AGXT: variants seen among roughly 807,000 people sequenced by gnomAD.
AGXT encodes L-alanine: glyoxylate aminotransferase 1.
Under a neutral mutation model 46.9 loss-of-function variants are expected in AGXT, and 41 were observed. The observed-to-expected ratio is 0.88, with a 90% CI of 0.68 to 1.14. The LOEUF (loss-of-function observed/expected upper bound fraction) is 1.14, where lower values mean the gene tolerates loss of function less well. AGXT is among the 50% of genes most tolerant of loss of function. The pLI, the probability that AGXT is intolerant of heterozygous loss-of-function variation, is 0.00. For synonymous variants in AGXT, 244 were observed against 227.9 expected, an observed-to-expected ratio of 1.07 and a Z score of -0.64; for missense variants, 525 against 522.7, an observed-to-expected ratio of 1.00 and a Z score of -0.04.
At chr2:240,875,049 C>T (rs1410223936) in intron 6 of AGXT, 60 bp from the exon 7 acceptor site, 5 of 1,439,976 alleles carry the variant, frequency 3.5e-6, no homozygotes, top group Non-Finnish European at 4.9e-6. Flanking sequence ...GCCAGCGAGA[C>T]TGCCCTGGCC....
intron 6 of AGXT, among the ~76,000 whole-genome samples, chr2:240,874,708 C>G (rs1217358180): frequency 2.6e-5 from 4 of 152,244 alleles, no homozygotes; most frequent in African/African-American, 9.6e-5. Flanking sequence ...GGGCTGGCCC[C>G]TCCATCTGGA....
At chr2:240,869,944 C>T (rs917529641) in intron 2 of AGXT, among the ~76,000 whole-genome samples, 14 of 152,248 alleles carry the variant, frequency 9.2e-5, no homozygotes, top group African/African-American at 1.7e-4. Context: ...CTGGTTAATA[C>T]GCGACCGCAA....
intron 6 of AGXT, among the ~76,000 whole-genome samples, chr2:240,874,758 A>T (rs2059014097): frequency 6.6e-6 from 1 of 152,224 alleles, no homozygotes; most frequent in African/African-American, 2.4e-5. Context: ...AAGCCTGGCC[A>T]GTGTCCCCTG....
chr2:240,873,619 T>C (rs1432622244), intron 5 of AGXT, among the ~76,000 whole-genome samples: 1 of 152,186 alleles, frequency 6.6e-6, no homozygotes, highest in Non-Finnish European at 1.5e-5. Flanking sequence ...GAGCCCCTCC[T>C]GATTTGGGAG....
At chr2:240,876,907 A>G in intron 8 of AGXT, 1 of 202,408 alleles carries the variant, frequency 4.9e-6, no homozygotes, top group East Asian at 1.4e-4. Flanking sequence ...GCAGAGGCAC[A>G]GGGACCTGGC....
chr2:240,870,764 G>T, intron 3 of AGXT, 56 bp downstream of exon 3: 3 of 1,510,948 alleles, frequency 2.0e-6, no homozygotes, highest in East Asian at 2.5e-5. Flanking sequence ...GGGCATGCTG[G>T]CTCAGGGGCT....
rs532886589 is a variant in AGXT at position 240,876,823 on chromosome 2, G to A, written c.847-714G>A. 6.5e-5 allele frequency: 11 copies of A among 167,980 alleles called. No homozygotes were observed. The South Asian group carries it at 1.4e-3, about 22-fold the overall frequency. 10.4% of individuals were successfully genotyped at this position (167,980 alleles called of 1,614,324 possible). A position where few individuals can be genotyped will look rare whatever the true frequency, so the allele number is the denominator to read the frequency against. On this transcript the variant is annotated intron_variant, in intron 8 of 10. Coordinates refer to ENST00000307503, the MANE Select transcript of AGXT (RefSeq NM_000030.3). The stretch of plus-strand genomic sequence containing the variant: ...TCACACAGGGAAAGGCTCTAGGGTC[G>A]TAAAGGTGGGTGGGGGGTGTGAGCT...
intron 2 of AGXT, 88 bp from the exon 3 acceptor site, chr2:240,870,556 G>C: frequency 4.8e-6 from 7 of 1,468,076 alleles, no homozygotes; most frequent in Non-Finnish European, 6.5e-6. Context: ...AGCCCTCACA[G>C]GGCCCTGCTC....
chr2:240,878,233 G>C, intron 10 of AGXT, 83 bp downstream of exon 10: 2 of 1,576,286 alleles, frequency 1.3e-6, no homozygotes, highest in East Asian at 4.5e-5. Flanking sequence ...CAGGTGCAGG[G>C]GAGGCCGGGG....
At position 240,869,323 on chromosome 2, in the gene AGXT, AT is replaced by A; in HGVS notation, c.322del (p.Trp108GlyfsTer12). 1 of 1,609,828 alleles carries A rather than the reference AT, an allele frequency of 6.2e-7. No individual in the cohort carries two copies. Among genetic ancestry groups the A allele is most frequent in the Non-Finnish European group, 8.5e-7 (1 of 1,177,230 alleles). On this transcript the variant is annotated frameshift_variant, in exon 2 of 11. Coordinates refer to ENST00000307503, the MANE Select transcript of AGXT (RefSeq NM_000030.3). LOFTEE classifies it high-confidence loss of function. ...GDSFLVGANGIWGQRAVDIGE... is the reference protein window; with the variant it reads ...GDSFLVGANGXWGQRAVDIGE... ...CTCCTTCCTGGTTGGGGCCAATGGC[AT>A]TTGGGGGCAGCGAGCCGTGGACATC... is the stretch of plus-strand genomic sequence containing the variant.
In AGXT at chr2:240,875,159, T is replaced by C. The variant is rs121908525; in HGVS notation, c.731T>C (p.Ile244Thr). Residue 244 changes from isoleucine to threonine, a missense_variant, in exon 7 of 11, where the codon ATC becomes ACC. By Grantham distance (89) the Ile-to-Thr change is moderately conservative (BLOSUM62 -1). Transcript: ENST00000307503. ...AAGCCCTTCTCCTTCTACCTGGACA[T>C]CAAGTGGCTGGCCAACTTCTGGGGC... Reference protein sequence around the residue: ...KTKPFSFYLDIKWLANFWGCD... With the variant: ...KTKPFSFYLDTKWLANFWGCD... The C allele has an allele frequency of 2.9e-5, 46 of 1,613,868 alleles. No individual in the cohort carries two copies. Among genetic ancestry groups the C allele is most frequent in the Admixed American group, 2.7e-4 (16 of 60,002 alleles).
At chr2:240,877,166 G>A (rs1267341918) in intron 8 of AGXT, 1 of 441,838 alleles carries the variant, frequency 2.3e-6, no homozygotes, top group East Asian at 5.7e-5. Flanking sequence ...CCTGAGAGGA[G>A]AGGGGGCCTG....
rs534156267 is a variant in AGXT at position 240,879,856 on chromosome 2, G to C, written c.*1035G>C. The stretch of plus-strand genomic sequence containing the variant: ...TGGAACACACAGCAGGTCCTCCACT[G>C]TGCCAGCTTCTTTCACTTACTGTTT... On this transcript the variant is annotated 3_prime_UTR_variant, in exon 11 of 11. Coordinates refer to ENST00000307503, the MANE Select transcript of AGXT (RefSeq NM_000030.3). 6.6e-6 allele frequency: 1 copy of C among 152,378 alleles called. No homozygotes were observed. Among genetic ancestry groups the C allele is most frequent in the South Asian group, 2.1e-4 (1 of 4,832 alleles). The allele number at this position is 152,378 out of a possible 1,614,324, so 9.4% of individuals were successfully genotyped here. A position where few individuals can be genotyped will look rare whatever the true frequency, so the allele number is the denominator to read the frequency against.
In AGXT at chr2:240,878,102, C is replaced by G; in HGVS notation, c.1023C>G (p.Asp341Glu). 1 of 1,613,380 alleles carries G rather than the reference C, an allele frequency of 6.2e-7. No individual in the cohort carries two copies. The highest frequency in any genetic ancestry group is 8.5e-7 in the Non-Finnish European group (1 of 1,180,020). Residue 341 changes from aspartate to glutamate, a missense_variant, in exon 10 of 11, where the codon GAC (aspartate) becomes GAG (glutamate). Transcript: ENST00000307503. The part of the protein sequence containing the change: ...DWRDIVSYVI[D>E]HFDIEIMGGL... ...GAGACATCGTCAGCTACGTCATAGA[C>G]CACTTCGACATTGAGATCATGGGTG...
At position 240,873,056 on chromosome 2, in the gene AGXT, G is replaced by T. The variant is rs751261900; in HGVS notation, c.595+7G>T. The T allele has an allele frequency of 6.2e-7, 1 of 1,613,280 alleles. No individual in the cohort carries two copies. ...CTTTACATGGACCGGCAAGGTAAGG[G>T]TGGGCTCTGAGAGCCCTACCCAGCC... is the stretch of plus-strand genomic sequence containing the variant. On this transcript the variant is annotated splice_region_variant and intron_variant, in intron 5 of 10. Coordinates refer to ENST00000307503, the MANE Select transcript of AGXT (RefSeq NM_000030.3).
At chr2:240,873,297 G>A (rs1174848758) in intron 5 of AGXT, 2 of 535,204 alleles carry the variant, frequency 3.7e-6, no homozygotes, top group African/African-American at 3.8e-5. Flanking sequence ...CTTCTGGTGG[G>A]GGACATTTGA....
In AGXT at chr2:240,871,417, G is replaced by A. The variant is rs1195071495; in HGVS notation, c.492G>A (p.Gln164=). The A allele has an allele frequency of 6.3e-7, 1 of 1,598,790 alleles. No homozygotes were observed. Among genetic ancestry groups the A allele is most frequent in the Admixed American group, 1.7e-5 (1 of 58,138 alleles). The change falls in exon 4 of 11, where the codon CAG becomes CAA. Residue 164 remains glutamine, a synonymous_variant. Coordinates refer to ENST00000307503, the MANE Select transcript of AGXT (RefSeq NM_000030.3). ...THGESSTGVL[Q]PLDGFGELCH... ...GGGAGTCGTCCACCGGCGTGCTGCAGCCCCTTGATGGCTTCGGGGAACTCT... is the reference window on the plus strand; with the variant it reads ...GGGAGTCGTCCACCGGCGTGCTGCAACCCCTTGATGGCTTCGGGGAACTCT...
chr2:240,869,457 G>A, intron 2 of AGXT, 95 bp downstream of exon 2: 1 of 1,396,692 alleles, frequency 7.2e-7, no homozygotes, highest in Non-Finnish European at 9.5e-7. Context: ...CCGTTCCTGG[G>A]TGAGCGCTTA....
rs117195882 is a variant in AGXT, at chr2:240,873,011, C to T, written c.557C>T (p.Ala186Val). Residue 186 changes from alanine to valine, a missense_variant, in exon 5 of 11, where the codon GCA (alanine) becomes GTA (valine). Ala to Val is a moderately conservative substitution (Grantham distance 64, BLOSUM62 0). Coordinates refer to ENST00000307503, the MANE Select transcript of AGXT (RefSeq NM_000030.3). ...TGCCTGCTCCTGGTGGATTCGGTGG[C>T]ATCCCTGGGCGGGACCCCCCTTTAC... The part of the protein sequence containing the change: ...YKCLLLVDSV[A>V]SLGGTPLYMD... The T allele has an allele frequency of 4.5e-3, 7,306 of 1,613,864 alleles. 207 individuals carry two copies. The East Asian group carries it at 0.076, about 17-fold the overall frequency.
Sources: allele counts gnomAD v4.1 joint callset (sites outside exome capture counted in the v4.1 genomes callset), GRCh38; gene constraint gnomAD v4.1.1; transcripts MANE v1.5; gene names NCBI Gene and HGNC (gene_info 2026-07-23, HGNC 2026-07-21).